Variants in SARM1 observed in about 807,000 individuals in gnomAD.
The protein encoded by SARM1 is sterile alpha and TIR motif containing 1.
In SARM1, 60 loss-of-function variants were observed where a neutral mutation model predicts 65.1. The observed-to-expected ratio is 0.92, with a 90% confidence interval of 0.75 to 1.14. The LOEUF is 1.14. SARM1 is among the 50% of genes most tolerant of loss of function. SARM1 has a pLI of 0.00. For synonymous variants in SARM1, 417 were observed against 465.4 expected, an observed-to-expected ratio of 0.90 and a Z score of 1.34; for missense variants, 913 against 1,015.7, an observed-to-expected ratio of 0.90 and a Z score of 1.37.
chr17:28,391,168 T>C (rs1183785908), intron 7 of SARM1, among the ~76,000 whole-genome samples: 8 of 152,222 alleles, frequency 5.3e-5, no homozygotes, highest in Admixed American at 4.6e-4. Context: ...TCATCAGCCA[T>C]GGTGGGAGTA....
chr17:28,382,645 G>A (rs2068030222), intron 2 of SARM1, among the ~76,000 whole-genome samples: 1 of 152,122 alleles, frequency 6.6e-6, no homozygotes, highest in Non-Finnish European at 1.5e-5. Context: ...TTATCTTCTG[G>A]AAAATTCAGT....
In SARM1 at chr17:28,384,481, T is replaced by C. The variant is rs927078089; in HGVS notation, c.1214T>C (p.Ile405Thr). 1.2e-6 allele frequency: 2 copies of C among 1,613,678 alleles called. No individual in the cohort carries two copies. The highest frequency in any genetic ancestry group is 1.7e-6 in the Non-Finnish European group (2 of 1,179,736). ...CTGGGCGAGGAGGTGCCACGGCCCA[T>C]CCTGCCCTCCGTGCCCAGCTGGAAG... Reference protein sequence around the residue: ...RLLGEEVPRPILPSVPSWKEA... With the variant: ...RLLGEEVPRPTLPSVPSWKEA... Residue 405 changes from isoleucine (I) to threonine (T), a missense_variant, in exon 3 of 9, where the codon ATC becomes ACC. Ile to Thr is a moderately conservative substitution (Grantham distance 89, BLOSUM62 -1). Transcript: ENST00000585482. The surrounding 1 kb of genome is among the most constrained non-coding windows in gnomAD (Gnocchi z 4.4).
At chr17:28,387,877 T>G (rs2142433814) in intron 5 of SARM1, 1 of 415,842 alleles carries the variant, frequency 2.4e-6, no homozygotes, top group Non-Finnish European at 4.4e-6. Context: ...TGTGTTGAAT[T>G]TGGAGTGATT....
Position 28,372,762 on chromosome 17 carries a change from A to G in SARM1, c.470+260A>G, listed in dbSNP as rs1010194752. ...GGGGTGAGGAATGGAGTTACAGGACAGGAGTCCGTCCCTGGCTCTATGGAT... is the reference window on the plus strand; with the variant it reads ...GGGGTGAGGAATGGAGTTACAGGACGGGAGTCCGTCCCTGGCTCTATGGAT... On this transcript the variant is annotated intron_variant, in intron 1 of 8. Transcript: ENST00000585482. The surrounding 1 kb of genome is among the most constrained non-coding windows in gnomAD (Gnocchi z 5.2). 4.6e-5 allele frequency among the ~76,000 whole-genome samples: 7 copies of G among 152,200 alleles called. No individual in the cohort carries two copies. The South Asian group carries it at 8.3e-4, about 18-fold the overall frequency.
intron 5 of SARM1, among the ~76,000 whole-genome samples, chr17:28,387,722 A>G (rs2068059366): frequency 6.6e-6 from 1 of 152,246 alleles, no homozygotes; most frequent in South Asian, 2.1e-4. Context: ...CTGAATCTCA[A>G]GCACTGAAGA....
At chr17:28,378,067 C>T (rs1555584810) in intron 1 of SARM1, among the ~76,000 whole-genome samples, 1 of 152,208 alleles carries the variant, frequency 6.6e-6, no homozygotes, top group Non-Finnish European at 1.5e-5. Flanking sequence ...GATGTGGCAA[C>T]TCTCCCACCT....
Position 28,384,461 on chromosome 17 carries a change from C to G in SARM1, c.1194C>G (p.Gly398=). The G allele has an allele frequency of 6.2e-7, 1 of 1,613,576 alleles. No homozygotes were observed. The highest frequency in any genetic ancestry group is 1.1e-5 in the South Asian group (1 of 91,036). ...ALAKRALRLL[G]EEVPRPILPS... ...CCAAGCGCGCGCTGCGCCTGCTGGGCGAGGAGGTGCCACGGCCCATCCTGC... is the reference window on the plus strand; with the variant it reads ...CCAAGCGCGCGCTGCGCCTGCTGGGGGAGGAGGTGCCACGGCCCATCCTGC... Residue 398 remains glycine, a synonymous_variant, in exon 3 of 9, where the codon GGC becomes GGG. Coordinates refer to ENST00000585482, the MANE Select transcript of SARM1 (RefSeq NM_015077.4). The surrounding 1 kb of genome is among the most constrained non-coding windows in gnomAD (Gnocchi z 4.4).
intron 7 of SARM1, among the ~76,000 whole-genome samples, chr17:28,393,630 T>C (rs1428149668): frequency 1.3e-5 from 2 of 151,694 alleles, no homozygotes; most frequent in Non-Finnish European, 2.9e-5. Context: ...TTGCCTCAGG[T>C]CGTAGAGCCT....
At position 28,400,597 on chromosome 17, in the gene SARM1, G is replaced by A; in HGVS notation, c.*4311G>A. On this transcript the variant is annotated 3_prime_UTR_variant, in exon 9 of 9. Coordinates refer to ENST00000585482, the MANE Select transcript of SARM1 (RefSeq NM_015077.4). The stretch of plus-strand genomic sequence containing the variant: ...GGCTCCATTATGAGCATGGGTTCAG[G>A]GCCCTGCATTACCCAATCAGAACAG... 1.2e-6 allele frequency: 2 copies of A among 1,613,544 alleles called. No individual in the cohort carries two copies. Among genetic ancestry groups the A allele is most frequent in the Non-Finnish European group, 1.7e-6 (2 of 1,179,740 alleles).
At chr17:28,386,982 T>C (rs2068053089) in intron 5 of SARM1, among the ~76,000 whole-genome samples, 1 of 151,940 alleles carries the variant, frequency 6.6e-6, no homozygotes, top group African/African-American at 2.4e-5. Context: ...CAAGCAATCT[T>C]CCCAACTTAG....
At chr17:28,390,497 A>T (rs2068074524) in intron 7 of SARM1, among the ~76,000 whole-genome samples, 1 of 152,186 alleles carries the variant, frequency 6.6e-6, no homozygotes, top group Non-Finnish European at 1.5e-5. Context: ...AAGATATGGC[A>T]GGGAAATATA....
chr17:28,390,900 G>A (rs1249851754), intron 7 of SARM1, among the ~76,000 whole-genome samples: 7 of 152,180 alleles, frequency 4.6e-5, no homozygotes, highest in African/African-American at 1.7e-4. Flanking sequence ...TATCACAGAT[G>A]AAGAAACTGA....
Position 28,381,204 on chromosome 17 carries a change from G to T in SARM1, c.472G>T (p.Asp158Tyr), listed in dbSNP as rs2142428243. The change falls in exon 2 of 9, where the codon GAC (aspartate) becomes TAC (tyrosine). Residue 158 changes from aspartate to tyrosine, a missense_variant and splice_region_variant. Asp to Tyr is a radical substitution (Grantham distance 160). Around this residue, in one of 3 missense-constraint regions of SARM1, gnomAD observed 862 missense variants for 952.1 expected, o/e 0.91. Transcript: ENST00000585482. ...LEQILVAENRDRVARIGLGVI... is the reference protein window; with the variant it reads ...LEQILVAENRYRVARIGLGVI... ...TCCCCTTCCACTTTCACTGGGCAGA[G>T]ACCGCGTGGCGCGCATTGGGCTGGG... The T allele has an allele frequency of 6.3e-7, 1 of 1,592,588 alleles. No homozygotes were observed. The highest frequency in any genetic ancestry group is 8.5e-7 in the Non-Finnish European group (1 of 1,169,786).
chr17:28,388,332 C>A lies in SARM1; in HGVS notation c.1734-18C>A, dbSNP rs1373295615. On this transcript the variant is annotated intron_variant, in intron 6 of 8. Transcript: ENST00000585482. ...CGTGGGGACAAGGCTGTGGCACTGA[C>A]ACAGGACTTACTTGCAGTCTCCTGA... 6.2e-7 allele frequency: 1 copy of A among 1,612,880 alleles called. No homozygotes were observed. Among genetic ancestry groups the A allele is most frequent in the Non-Finnish European group, 8.5e-7 (1 of 1,179,456 alleles).
intron 7 of SARM1, 184 bp from the exon 8 acceptor site, chr17:28,395,721 G>A (rs1374184459): frequency 1.8e-5 from 11 of 619,474 alleles, no homozygotes; most frequent in East Asian, 1.1e-4. Context: ...GGAACTCTGG[G>A]CAAAGGAAAA....
At position 28,393,379 on chromosome 17, in the gene SARM1, T is replaced by G. The variant is rs2068090448; in HGVS notation, c.1924-2526T>G. 2.0e-5 allele frequency among the ~76,000 whole-genome samples: 3 copies of G among 151,952 alleles called. No individual in the cohort carries two copies. In the South Asian group the frequency reaches 6.2e-4, roughly 32 times the overall value. On this transcript the variant is annotated intron_variant, in intron 7 of 8. Transcript: ENST00000585482. ...GCCTGGGCAACATGGTGAAACCCCA[T>G]CTCTACTAAAAAATACAAAAAATTA... is the stretch of plus-strand genomic sequence containing the variant.
At chr17:28,380,521 G>T (rs563605393) in intron 1 of SARM1, among the ~76,000 whole-genome samples, 1 of 152,108 alleles carries the variant, frequency 6.6e-6, no homozygotes, top group East Asian at 1.9e-4. Context: ...TTCCTCCATC[G>T]CCCTGAGGAT....
chr17:28,398,296 G>A lies in SARM1; in HGVS notation c.*2010G>A, dbSNP rs2068155536. 1 of 152,308 alleles carries A rather than the reference G, an allele frequency of 6.6e-6. No individual in the cohort carries two copies. Among genetic ancestry groups the A allele is most frequent in the Admixed American group, 6.5e-5 (1 of 15,282 alleles). The allele number at this position is 152,308 out of a possible 1,614,324, so 9.4% of individuals were successfully genotyped here. On this transcript the variant is annotated 3_prime_UTR_variant, in exon 9 of 9. Coordinates refer to ENST00000585482, the MANE Select transcript of SARM1 (RefSeq NM_015077.4). ...CCTCCACTGTTGTCCACTGCCCTGT[G>A]TGGCCTTCTGGTTGACCTCTGCCCG... is the stretch of plus-strand genomic sequence containing the variant.
chr17:28,384,780 T>C lies in SARM1; in HGVS notation c.1303-59T>C, dbSNP rs984568287. The C allele has an allele frequency of 6.9e-7, 1 of 1,455,376 alleles. No homozygotes were observed. Among genetic ancestry groups the C allele is most frequent in the Non-Finnish European group, 9.4e-7 (1 of 1,059,568 alleles). The allele number at this position is 1,455,376 out of a possible 1,614,324, so 90.2% of individuals were successfully genotyped here. A position where few individuals can be genotyped will look rare whatever the true frequency, so the allele number is the denominator to read the frequency against. On this transcript the variant is annotated intron_variant, in intron 3 of 8. Transcript: ENST00000585482. The surrounding 1 kb of genome is among the most constrained non-coding windows in gnomAD (Gnocchi z 4.4). ...CTCCAGTTCCTTCCCTTGCATCTTG[T>C]GCTCGAGGTCCAAGGGCGGAGTAGC...
Sources: gnomAD v4.1 joint callset for allele counts (sites outside exome capture counted in the v4.1 genomes callset) on GRCh38, gnomAD v4.1.1 for gene constraint, gnomAD v4.1.1 regional missense constraint, Gnocchi (gnomAD v3.1) non-coding constraint, MANE v1.5 for transcripts, NCBI Gene and HGNC (gene_info 2026-07-23, HGNC 2026-07-21) for gene names.